LRCH2: variants seen among roughly 807,000 people sequenced by gnomAD.
LRCH2 encodes the protein leucine rich repeats and calponin homology domain containing 2.
A neutral mutation model predicts 68.9 loss-of-function variants in LRCH2; 38 were observed. The ratio of observed to expected loss-of-function variants is 0.55; its 90% CI spans 0.43 to 0.72. LRCH2 has a LOEUF of 0.72. LRCH2 is among the 30% of genes least tolerant of loss of function. The pLI, the probability that LRCH2 is intolerant of heterozygous loss-of-function variation, is 0.00. For missense variants in LRCH2, 528 were observed against 572.9 expected (o/e 0.92, Z 0.80); for synonymous variants, 191 against 208.1 (o/e 0.92, Z 0.71).
intron 1 of LRCH2, among the ~76,000 whole-genome samples, chrX:115,217,186 A>AAT (rs1377897470): frequency 9.0e-6 from 1 of 111,396 alleles, no homozygotes; most frequent in Non-Finnish European, 1.9e-5. Context: ...ATCACTATGT[A>AAT]ATATATCCAT....
chrX:115,153,653 T>C (rs1240976640), intron 12 of LRCH2, among the ~76,000 whole-genome samples: 1 of 109,210 alleles, frequency 9.2e-6, no homozygotes, highest in Non-Finnish European at 1.9e-5. Context: ...GGAAAAAAAA[T>C]AAGTATACTG....
intron 2 of LRCH2, 67 bp from the exon 3 acceptor site, chrX:115,184,604 A>G: frequency 2.2e-6 from 2 of 925,997 alleles, no homozygotes; most frequent in Admixed American, 4.4e-5. Flanking sequence ...AAACGAAGAA[A>G]TCACTTTGTA....
intron 14 of LRCH2, 52 bp from the exon 15 acceptor site, chrX:115,130,251 T>C (rs781951341): frequency 1.6e-6 from 1 of 640,484 alleles, no homozygotes; most frequent in Non-Finnish European, 2.3e-6. Context: ...ATATAAATTC[T>C]CTACTAGTAA....
chrX:115,233,851 G>C lies in LRCH2; in HGVS notation c.191C>G (p.Pro64Arg). The C allele has an allele frequency of 8.6e-7, 1 of 1,166,966 alleles. No homozygotes were observed. Among genetic ancestry groups the C allele is most frequent in the South Asian group, 1.9e-5 (1 of 52,665 alleles). ...CTGCAGGCTCCCCGGGTTCCACGGC[G>C]GCCCGTTGGGGAACGGCTGACCGAA... ...TLFGQPFPNG[P>R]PWNPGSLQPQ... Residue 64 changes from proline to arginine, a missense_variant, in exon 1 of 21, where the codon CCG becomes CGG. By Grantham distance (103) the Pro-to-Arg change is moderately radical. Transcript: ENST00000317135.
In LRCH2 at chrX:115,170,415, C is replaced by T. The variant is rs782199351; in HGVS notation, c.882G>A (p.Lys294=). ...VPPAQICLKG[K]VHIFKYLNIQ... ...TATTTAAGTACTTAAATATGTGCAC[C>T]TTACCCTTTAAACATATCTGTCAAT... Residue 294 remains lysine, a synonymous_variant, in exon 6 of 21, where the codon AAG becomes AAA. Transcript: ENST00000317135. 1.1e-5 allele frequency: 12 copies of T among 1,139,342 alleles called. No homozygotes were observed. The South Asian group carries it at 1.1e-4, about 10-fold the overall frequency. 93.9% of individuals were successfully genotyped at this position (1,139,342 alleles called of 1,213,427 possible).
chrX:115,123,605 A>G (rs1317173732), intron 17 of LRCH2, among the ~76,000 whole-genome samples: 1 of 112,261 alleles, frequency 8.9e-6, no homozygotes, highest in Non-Finnish European at 1.9e-5. Flanking sequence ...GCCAAATGCG[A>G]AAAGATCCCT....
At position 115,131,250 on chromosome X, in the gene LRCH2, T is replaced by TC. The variant is rs1279741017; in HGVS notation, c.1696-1052dup. On this transcript the variant is annotated intron_variant, in intron 14 of 20. Coordinates refer to ENST00000317135, the MANE Select transcript of LRCH2 (RefSeq NM_020871.4). Reference sequence around the variant, plus strand: ...TAGGTATATCTCCTAATGCAATCCCTCCCCCCCCCTCCACACCATGACAGG... The same window carrying TC: ...TAGGTATATCTCCTAATGCAATCCCTCCCCCCCCCCTCCACACCATGACAGG... Among the ~76,000 whole-genome samples, 34 of 78,145 alleles carry TC rather than the reference T, an allele frequency of 4.4e-4. No individual in the cohort carries two copies. The East Asian group carries it at 4.4e-3, about 10-fold the overall frequency. The allele number at this position is 78,145 out of a possible 115,157, so 67.9% of individuals were successfully genotyped here.
At chrX:115,212,829 G>A (rs1211641380) in intron 1 of LRCH2, among the ~76,000 whole-genome samples, 3 of 109,963 alleles carry the variant, frequency 2.7e-5, no homozygotes, top group Non-Finnish European at 5.7e-5. Context: ...AAAAATAGCC[G>A]AGTGTAGTGG....
chrX:115,231,398 C>T (rs1166448416), intron 1 of LRCH2, among the ~76,000 whole-genome samples: 5 of 111,573 alleles, frequency 4.5e-5, no homozygotes, highest in Non-Finnish European at 9.4e-5. Context: ...CCGTCATTTA[C>T]ACATAATGAA....
intron 1 of LRCH2, among the ~76,000 whole-genome samples, 179 bp downstream of exon 1, chrX:115,233,514 C>G (rs782525949): frequency 1.2e-3 from 137 of 111,918 alleles, no homozygotes; most frequent in African/African-American, 4.3e-3. Flanking sequence ...GCATTCCTCC[C>G]CTCCCCTATT....
chrX:115,192,103 G>A (rs782223284), intron 1 of LRCH2: 8 of 1,165,711 alleles, frequency 6.9e-6, no homozygotes, highest in African/African-American at 3.6e-5. Context: ...CCACTACACC[G>A]AAGCCTACAG....
intron 14 of LRCH2, among the ~76,000 whole-genome samples, chrX:115,147,901 A>C (rs1342484095): frequency 9.1e-6 from 1 of 110,470 alleles, no homozygotes; most frequent in Non-Finnish European, 1.9e-5. Flanking sequence ...AAAATTTTAA[A>C]ATTTGTAGGG....
intron 1 of LRCH2, among the ~76,000 whole-genome samples, chrX:115,206,906 A>G (rs2072972061): frequency 9.0e-6 from 1 of 111,121 alleles, no homozygotes; most frequent in Non-Finnish European, 1.9e-5. Context: ...CAACCTTGGA[A>G]AGAAAAATGG....
At chrX:115,183,504 G>A (rs2072709558) in intron 3 of LRCH2, among the ~76,000 whole-genome samples, 1 of 110,849 alleles carries the variant, frequency 9.0e-6, no homozygotes. Flanking sequence ...AGACCAGCCT[G>A]GGCAACACAG....
intron 3 of LRCH2, among the ~76,000 whole-genome samples, chrX:115,183,046 TCACGCATGCA>T (rs1213289890): frequency 1.8e-5 from 2 of 108,394 alleles, no homozygotes; most frequent in Non-Finnish European, 3.8e-5. Flanking sequence ...ATTAGGACAG[TCACGCATGCA>T]CACGCACGCA....
chrX:115,228,199 GT>G (rs782354711), intron 1 of LRCH2, among the ~76,000 whole-genome samples: 14 of 111,453 alleles, frequency 1.3e-4, no homozygotes, highest in Non-Finnish European at 2.6e-4. Context: ...GGCTTATACA[GT>G]TTTCTTTAAT....
chrX:115,187,039 C>T (rs952837083), intron 2 of LRCH2, among the ~76,000 whole-genome samples: 30 of 110,988 alleles, frequency 2.7e-4, no homozygotes, highest in Admixed American at 6.7e-4. Flanking sequence ...AGGATGGTCT[C>T]GATCTCCTAA....
At chrX:115,174,597 CCCCCCA>C (rs1198897267) in intron 5 of LRCH2, among the ~76,000 whole-genome samples, 29 of 97,802 alleles carry the variant, frequency 3.0e-4, no homozygotes, top group East Asian at 1.3e-3. Context: ...ACACACCCCC[CCCCCCA>C]CACACACACA....
chrX:115,115,936 CAAGAA>C (rs1382919332), intron 20 of LRCH2, among the ~76,000 whole-genome samples: 1 of 110,457 alleles, frequency 9.1e-6, no homozygotes. Context: ...TCAATAAGCA[CAAGAA>C]AAGATGCTCA....
Sources: gnomAD v4.1 joint callset for allele counts (sites outside exome capture counted in the v4.1 genomes callset) on GRCh38, gnomAD v4.1.1 for gene constraint, MANE v1.5 for transcripts, NCBI Gene and HGNC (gene_info 2026-07-23, HGNC 2026-07-21) for gene names.